The following SLC45A2 variants were observed in gnomAD, a reference collection of about 807,000 sequenced individuals.
SLC45A2 encodes membrane-associated transporter protein.
In SLC45A2, 36 loss-of-function variants were observed where a neutral mutation model predicts 45.5. The ratio of observed to expected loss-of-function variants is 0.79; its 90% CI spans 0.61 to 1.04. The LOEUF (loss-of-function observed/expected upper bound fraction) is 1.04, where lower values mean the gene tolerates loss of function less well. Among genes scored for constraint, SLC45A2 ranks in the 50% least tolerant of loss-of-function variants. The pLI, the probability that SLC45A2 is intolerant of heterozygous loss-of-function variation, is 0.00. For synonymous variants in SLC45A2, 306 were observed against 269.3 expected (o/e 1.14, Z -1.33); for missense variants, 719 against 671.0 (o/e 1.07, Z -0.79).
chr5:33,968,656 C>T (rs6874013), intron 2 of SLC45A2, among the ~76,000 whole-genome samples: 148,380 of 152,318 alleles, frequency 0.97, 72,395 homozygotes, highest in East Asian at 1. Flanking sequence ...ACAACTATGA[C>T]AGGTAAAATG....
intron 3 of SLC45A2, among the ~76,000 whole-genome samples, chr5:33,956,788 T>C (rs1752289320): frequency 6.6e-6 from 1 of 152,182 alleles, no homozygotes; most frequent in Non-Finnish European, 1.5e-5. Context: ...TAAAAAAGGC[T>C]GCATTGACAT....
At chr5:33,963,609 AAAAC>A (rs2111960723) in intron 3 of SLC45A2, 78 bp downstream of exon 3, 2 of 1,475,018 alleles carry the variant, frequency 1.4e-6, no homozygotes, top group Admixed American at 1.9e-5. Context: ...TCAAACAGAC[AAAAC>A]AAACAATTAA....
chr5:33,964,954 G>A (rs569833722), intron 2 of SLC45A2, among the ~76,000 whole-genome samples: 2 of 152,264 alleles, frequency 1.3e-5, no homozygotes, highest in South Asian at 2.1e-4. Context: ...TGGTTGGGGA[G>A]GGGGCAGTGG....
chr5:33,961,124 A>C (rs1579545486), intron 3 of SLC45A2, among the ~76,000 whole-genome samples: 1 of 152,332 alleles, frequency 6.6e-6, no homozygotes, highest in East Asian at 1.9e-4. Context: ...AAAAGAATGC[A>C]CAAGTGAATG....
At position 33,968,693 on chromosome 5, in the gene SLC45A2, G is replaced by A. The variant is rs539815692; in HGVS notation, c.563-4677C>T. ...GAAATTGGTAAACTGTCAGTACCAA[G>A]GAATCTAAAGGATGAAAGGAAACTC... On this transcript the variant is annotated intron_variant, in intron 2 of 6. Coordinates refer to ENST00000296589, the MANE Select transcript of SLC45A2 (RefSeq NM_016180.5). Among the ~76,000 whole-genome samples the A allele has an allele frequency of 2.5e-4, 38 of 152,318 alleles. No homozygotes were observed. The South Asian group carries it at 3.9e-3, about 16-fold the overall frequency.
intron 2 of SLC45A2, among the ~76,000 whole-genome samples, chr5:33,968,994 T>C (rs1273959814): frequency 1.3e-5 from 2 of 151,198 alleles, no homozygotes; most frequent in African/African-American, 4.9e-5. Context: ...TTCCTACTTA[T>C]TCCCACCAGG....
chr5:33,966,988 C>G (rs1056828353), intron 2 of SLC45A2, among the ~76,000 whole-genome samples: 1 of 152,150 alleles, frequency 6.6e-6, no homozygotes, highest in Non-Finnish European at 1.5e-5. Flanking sequence ...GCCTCCTCAT[C>G]TGAATTTAGT....
At chr5:33,972,105 C>A in intron 2 of SLC45A2, 1 of 514,698 alleles carries the variant, frequency 1.9e-6, no homozygotes, top group South Asian at 1.4e-5. Context: ...GGTGAAAGGG[C>A]TCATTGGATC....
At chr5:33,953,584 G>A (rs1375916135) in intron 4 of SLC45A2, among the ~76,000 whole-genome samples, 6 of 149,604 alleles carry the variant, frequency 4.0e-5, no homozygotes, top group South Asian at 4.3e-4. Context: ...AGGAACAACC[G>A]GTACCAGCCG....
At chr5:33,964,044 A>G (rs1561364798) in intron 2 of SLC45A2, 28 bp from the exon 3 acceptor site, 3 of 1,608,914 alleles carry the variant, frequency 1.9e-6, no homozygotes, top group South Asian at 2.2e-5. Flanking sequence ...CTATGTTAGC[A>G]TATTTAGCAA....
intron 3 of SLC45A2, among the ~76,000 whole-genome samples, chr5:33,956,126 C>T (rs1752269254): frequency 6.6e-6 from 1 of 152,062 alleles, no homozygotes; most frequent in South Asian, 2.1e-4. Context: ...ATGGCAGAAA[C>T]AATAGTCAAC....
At position 33,954,461 on chromosome 5, in the gene SLC45A2, A is replaced by C. The variant is rs202094352; in HGVS notation, c.932T>G (p.Val311Gly). ...GTAGCGGTAGTGAGGAGGCATGTTC[A>C]CCAGTGCTCTCAGCAGTGACTTTAA... Reference protein sequence around the residue: ...MTLKSLLRALVNMPPHYRYLC... With the variant: ...MTLKSLLRALGNMPPHYRYLC... Residue 311 changes from valine to glycine, a missense_variant, in exon 4 of 7, where the codon GTG (valine) becomes GGG (glycine). Transcript: ENST00000296589. The C allele has an allele frequency of 6.2e-7, 1 of 1,614,082 alleles. No homozygotes were observed. The highest frequency in any genetic ancestry group is 2.2e-5 in the East Asian group (1 of 44,888).
At chr5:33,965,572 A>C (rs1752582943) in intron 2 of SLC45A2, among the ~76,000 whole-genome samples, 1 of 152,252 alleles carries the variant, frequency 6.6e-6, no homozygotes. Context: ...TTTATGGCCT[A>C]GTTATATGTG....
At chr5:33,973,929 G>C (rs2111991698) in intron 2 of SLC45A2, among the ~76,000 whole-genome samples, 1 of 152,354 alleles carries the variant, frequency 6.6e-6, no homozygotes, top group African/African-American at 2.4e-5. Flanking sequence ...AGAAAGCTCA[G>C]AAATGCTGAG....
In SLC45A2 at chr5:33,954,349, C is replaced by G; in HGVS notation, c.1032+12G>C. The G allele has an allele frequency of 6.2e-7, 1 of 1,613,962 alleles. No homozygotes were observed. The highest frequency in any genetic ancestry group is 8.5e-7 in the Non-Finnish European group (1 of 1,179,930). On this transcript the variant is annotated intron_variant, in intron 4 of 6. Coordinates refer to ENST00000296589, the MANE Select transcript of SLC45A2 (RefSeq NM_016180.5). The stretch of plus-strand genomic sequence containing the variant: ...GTGTAACAGTGATTGTGTGCACAGA[C>G]ACGTTCATTACCTGGCCCATGAAAT...
At chr5:33,980,529 C>T (rs991271579) in intron 2 of SLC45A2, among the ~76,000 whole-genome samples, 8 of 152,150 alleles carry the variant, frequency 5.3e-5, no homozygotes, top group Admixed American at 3.9e-4. Flanking sequence ...GAGAAAATAC[C>T]TAATACATGG....
intron 3 of SLC45A2, among the ~76,000 whole-genome samples, chr5:33,961,269 A>T (rs1752447375): frequency 6.6e-6 from 1 of 152,162 alleles, no homozygotes; most frequent in Non-Finnish European, 1.5e-5. Flanking sequence ...AAAAAAGCTA[A>T]CATCAAGGAG....
rs764264726 is a variant in SLC45A2, at chr5:33,951,555, A to G, written c.1155T>C (p.Ser385=). Residue 385 remains serine (S), a splice_region_variant and synonymous_variant, in exon 5 of 7, where the codon TCT becomes TCC. Coordinates refer to ENST00000296589, the MANE Select transcript of SLC45A2 (RefSeq NM_016180.5). ...TCCTTAGGAGAGAGAAAGACTTACA[A>G]GAATAAAGTGAGGAAAACACGGAGT... ...CINSVFSSLY[S]YFQKVLVSYI... is the part of the protein sequence containing the mutation. 1.9e-6 allele frequency: 3 copies of G among 1,614,160 alleles called. No homozygotes were observed. Among genetic ancestry groups the G allele is most frequent in the Non-Finnish European group, 2.5e-6 (3 of 1,180,012 alleles).
chr5:33,954,221 C>G, intron 4 of SLC45A2, 140 bp downstream of exon 4: 1 of 1,206,168 alleles, frequency 8.3e-7, no homozygotes, highest in Non-Finnish European at 1.2e-6. Context: ...CTACACCTGT[C>G]TGTAAGTCAG....
Sources: gnomAD v4.1 joint callset for allele counts (sites outside exome capture counted in the v4.1 genomes callset) on GRCh38, gnomAD v4.1.1 for gene constraint, MANE v1.5 for transcripts, NCBI Gene and HGNC (gene_info 2026-07-23, HGNC 2026-07-21) for gene names.